The following FBXL17 variants were observed in gnomAD, a reference collection of about 807,000 sequenced individuals.
The protein encoded by FBXL17 is F-box/LRR-repeat protein 17.
FBXL17 carries 22 observed loss-of-function variants against 66.2 expected under a neutral mutation model. The ratio of observed to expected loss-of-function variants is 0.33; its 90% CI spans 0.24 to 0.47. The LOEUF (loss-of-function observed/expected upper bound fraction) is 0.47, where lower values mean the gene tolerates loss of function less well. FBXL17 is among the 20% of genes least tolerant of loss of function. The pLI, the probability that FBXL17 is intolerant of heterozygous loss-of-function variation, is 1.00. For missense variants in FBXL17, 878 were observed against 948.2 expected (o/e 0.93, Z 0.97); for synonymous variants, 474 against 400.5 (o/e 1.18, Z -2.19).
At chr5:107,886,588 A>G (rs1748979293) in intron 7 of FBXL17, among the ~76,000 whole-genome samples, 1 of 152,132 alleles carries the variant, frequency 6.6e-6, no homozygotes, top group South Asian at 2.1e-4. Flanking sequence ...AGCTTTTAAA[A>G]CAATGGGGGC....
intron 6 of FBXL17, among the ~76,000 whole-genome samples, chr5:108,115,361 A>T (rs1418912901): frequency 6.6e-6 from 1 of 152,088 alleles, no homozygotes; most frequent in Non-Finnish European, 1.5e-5. Flanking sequence ...AAAAAAAATT[A>T]TAGTATTTAA....
chr5:107,901,184 T>C (rs1377790632), intron 7 of FBXL17, among the ~76,000 whole-genome samples: 2 of 152,180 alleles, frequency 1.3e-5, no homozygotes, highest in Non-Finnish European at 2.9e-5. Context: ...TTTGGTATTG[T>C]GGAAAAGAAA....
chr5:108,110,248 C>T (rs1749977784), intron 6 of FBXL17, among the ~76,000 whole-genome samples: 2 of 152,090 alleles, frequency 1.3e-5, no homozygotes, highest in Non-Finnish European at 2.9e-5. Context: ...GAATTAATCT[C>T]TTATAAGATC....
At chr5:108,182,374 C>T (rs1399369130) in intron 6 of FBXL17, among the ~76,000 whole-genome samples, 1 of 152,000 alleles carries the variant, frequency 6.6e-6, no homozygotes, top group African/African-American at 2.4e-5. Flanking sequence ...AGATTTATAC[C>T]AATATAACTA....
intron 6 of FBXL17, among the ~76,000 whole-genome samples, chr5:108,177,780 T>C (rs2150023230): frequency 6.6e-6 from 1 of 151,952 alleles, no homozygotes; most frequent in Non-Finnish European, 1.5e-5. Context: ...ATAGGGATAA[T>C]TCCTTCCTCA....
chr5:107,964,381 G>T (rs1362933853), intron 7 of FBXL17, among the ~76,000 whole-genome samples: 1 of 151,694 alleles, frequency 6.6e-6, no homozygotes, highest in Non-Finnish European at 1.5e-5. Context: ...TTATTATTTA[G>T]AGAATAAACA....
intron 7 of FBXL17, among the ~76,000 whole-genome samples, chr5:107,899,380 C>A (rs776015807): frequency 2.6e-5 from 4 of 152,122 alleles, no homozygotes; most frequent in Admixed American, 6.6e-5. Context: ...TGGGCTCACA[C>A]CTGTAATCCC....
At chr5:108,180,628 A>T (rs1752964233) in intron 6 of FBXL17, among the ~76,000 whole-genome samples, 1 of 152,192 alleles carries the variant, frequency 6.6e-6, no homozygotes, top group South Asian at 2.1e-4. Flanking sequence ...TAACAGTCTA[A>T]GATTTAAAAT....
In FBXL17 at chr5:108,364,796, A is replaced by G. The variant is rs779373694; in HGVS notation, c.1316T>C (p.Leu439Ser). ...SIIAVASHCPLLQKVHVGNQD... is the reference protein window; with the variant it reads ...SIIAVASHCPSLQKVHVGNQD... The stretch of plus-strand genomic sequence containing the variant: ...GTTGCCTACATGCACTTTCTGAAGT[A>G]AAGGACAGTGAGAGGCAACCGCAAT... Residue 439 changes from leucine (L) to serine (S), a missense_variant, in exon 3 of 9, where the codon TTA becomes TCA. Leu to Ser is a moderately radical substitution (Grantham distance 145, BLOSUM62 -2). Transcript: ENST00000542267. 5.0e-5 allele frequency: 80 copies of G among 1,612,826 alleles called. No homozygotes were observed. Among genetic ancestry groups the G allele is most frequent in the Non-Finnish European group, 6.5e-5 (77 of 1,179,196 alleles).
intron 4 of FBXL17, among the ~76,000 whole-genome samples, chr5:108,345,948 T>G (rs978811757): frequency 3.3e-5 from 5 of 152,144 alleles, no homozygotes; most frequent in Admixed American, 3.3e-4. Context: ...GCAAAATAAT[T>G]TGACTGATTA....
At chr5:107,863,695 C>T (rs1373400824) in intron 8 of FBXL17, among the ~76,000 whole-genome samples, 5 of 152,090 alleles carry the variant, frequency 3.3e-5, no homozygotes, top group African/African-American at 1.2e-4. Context: ...TGAGTGAATG[C>T]TAAAACAAAT....
chr5:108,138,364 T>G (rs960530471), intron 6 of FBXL17, among the ~76,000 whole-genome samples: 1 of 152,210 alleles, frequency 6.6e-6, no homozygotes, highest in Non-Finnish European at 1.5e-5. Flanking sequence ...ATGGAGAATT[T>G]AAAACTCTCT....
In FBXL17 at chr5:108,112,160, G is replaced by C. The variant is rs186493078; in HGVS notation, c.1745+73957C>G. Among the ~76,000 whole-genome samples the C allele has an allele frequency of 4.6e-5, 7 of 152,288 alleles. No homozygotes were observed. The East Asian group carries it at 1.4e-3, about 29-fold the overall frequency. ...AGAAAGGAGGCAGATGCACAGAAAG[G>C]GCAAGTGAGCAAGCTCTGGAGATAG... On this transcript the variant is annotated intron_variant, in intron 6 of 8. Transcript: ENST00000542267.
intron 4 of FBXL17, among the ~76,000 whole-genome samples, chr5:108,335,249 A>C (rs1561536003): frequency 7.2e-6 from 1 of 138,478 alleles, no homozygotes; most frequent in Non-Finnish European, 1.6e-5. Flanking sequence ...AACACACAAC[A>C]ATATATGGCT....
chr5:108,375,189 A>G (rs1276903394), intron 1 of FBXL17, among the ~76,000 whole-genome samples: 1 of 152,160 alleles, frequency 6.6e-6, no homozygotes, highest in Non-Finnish European at 1.5e-5. Flanking sequence ...CCCTGTCTCT[A>G]CAAAAATTAT....
intron 1 of FBXL17, among the ~76,000 whole-genome samples, chr5:108,375,094 C>G (rs1176156528): frequency 3.3e-5 from 5 of 152,090 alleles, no homozygotes; most frequent in Non-Finnish European, 7.4e-5. Context: ...TGGTTGACAC[C>G]TATAATCCCA....
chr5:108,096,350 G>T (rs1749367126), intron 6 of FBXL17, among the ~76,000 whole-genome samples: 1 of 152,098 alleles, frequency 6.6e-6, no homozygotes, highest in Non-Finnish European at 1.5e-5. Flanking sequence ...CTCAATTTAG[G>T]CAGTTAACCA....
intron 7 of FBXL17, among the ~76,000 whole-genome samples, chr5:108,009,261 T>TTATTTATATATATATATATATATATA (rs1554056570): frequency 4.8e-5 from 1 of 20,852 alleles, no homozygotes; most frequent in African/African-American, 1.6e-4. Flanking sequence ...GTTCCCTGTT[T>TTATTTATATATATATATATATATATA]TATATATATA....
intron 4 of FBXL17, among the ~76,000 whole-genome samples, chr5:108,236,119 T>C (rs752108858): frequency 1.3e-5 from 2 of 152,002 alleles, no homozygotes; most frequent in South Asian, 4.2e-4. Context: ...GCTGAGGCAG[T>C]AGAATCACTT....
Sources: gnomAD v4.1 joint callset for allele counts (sites outside exome capture counted in the v4.1 genomes callset) on GRCh38, gnomAD v4.1.1 for gene constraint, MANE v1.5 for transcripts, NCBI Gene and HGNC (gene_info 2026-07-23, HGNC 2026-07-21) for gene names.